The following PID1 variants were observed in gnomAD, a reference collection of about 807,000 sequenced individuals.
The protein encoded by PID1 is PTB-containing, cubilin and LRP1-interacting protein.
Under a neutral mutation model 19.1 loss-of-function variants are expected in PID1, and 10 were observed. The ratio of observed to expected loss-of-function variants is 0.52; its 90% CI spans 0.32 to 0.89. The LOEUF is 0.89. PID1 is among the 40% of genes least tolerant of loss of function. The pLI, the probability that PID1 is intolerant of heterozygous loss-of-function variation, is 0.03. For missense variants in PID1, 248 were observed against 285.3 expected (o/e 0.87, Z 0.94); for synonymous variants, 130 against 116.0 (o/e 1.12, Z -0.78).
At chr2:229,255,935 C>G (rs1277129091) in intron 1 of PID1, among the ~76,000 whole-genome samples, 2 of 152,204 alleles carry the variant, frequency 1.3e-5, no homozygotes, top group Non-Finnish European at 2.9e-5. Context: ...CATGCACCTG[C>G]AGGTGGGCTG....
At chr2:229,221,164 T>G (rs913919301) in intron 1 of PID1, among the ~76,000 whole-genome samples, 6 of 152,184 alleles carry the variant, frequency 3.9e-5, no homozygotes, top group Admixed American at 2.0e-4. Flanking sequence ...TGTCTTGGTA[T>G]GCCCAAGACT....
chr2:229,118,159 T>G (rs1300405331), intron 2 of PID1, among the ~76,000 whole-genome samples: 1 of 152,126 alleles, frequency 6.6e-6, no homozygotes, highest in African/African-American at 2.4e-5. Context: ...AGAAAGTGAT[T>G]TGTTCATTAT....
At chr2:229,082,063 T>C (rs1428456263) in intron 2 of PID1, among the ~76,000 whole-genome samples, 1 of 152,160 alleles carries the variant, frequency 6.6e-6, no homozygotes, top group Non-Finnish European at 1.5e-5. Context: ...CTTTAATATG[T>C]CTCAAAATTG....
At chr2:229,270,993 C>G (rs775621762) in intron 1 of PID1, 21 bp downstream of exon 1, 21 of 1,329,414 alleles carry the variant, frequency 1.6e-5, no homozygotes, top group East Asian at 6.0e-5. Context: ...GGCTGGCCCC[C>G]GGCTCCCGGG....
chr2:229,033,990 A>C (rs1693609241), intron 2 of PID1, among the ~76,000 whole-genome samples: 1 of 152,198 alleles, frequency 6.6e-6, no homozygotes, highest in Non-Finnish European at 1.5e-5. Flanking sequence ...CTGGCCACAG[A>C]GGCACAGAAT....
At chr2:229,095,731 A>G (rs1694960203) in intron 2 of PID1, among the ~76,000 whole-genome samples, 1 of 152,182 alleles carries the variant, frequency 6.6e-6, no homozygotes, top group South Asian at 2.1e-4. Flanking sequence ...CCAATTTCAA[A>G]TTAGACCGAT....
At chr2:229,193,748 A>T (rs1691313528) in intron 1 of PID1, among the ~76,000 whole-genome samples, 1 of 151,782 alleles carries the variant, frequency 6.6e-6, no homozygotes, top group African/African-American at 2.4e-5. Flanking sequence ...ACTTAATAGT[A>T]TGTACTTAAT....
intron 2 of PID1, among the ~76,000 whole-genome samples, chr2:229,029,678 A>G (rs1693504494): frequency 6.6e-6 from 1 of 151,994 alleles, no homozygotes; most frequent in Non-Finnish European, 1.5e-5. Context: ...CGTCTCTACT[A>G]AAAATACAGA....
rs532029833 is a variant in PID1 at position 229,115,166 on chromosome 2, G to T, written c.177+40652C>A. ...ACTGAGGGTCAGGGTTAGGGTTAAGGTTAGGTACACTCCTCATTGAGGTGT... is the reference window on the plus strand; with the variant it reads ...ACTGAGGGTCAGGGTTAGGGTTAAGTTTAGGTACACTCCTCATTGAGGTGT... On this transcript the variant is annotated intron_variant, in intron 2 of 2. Transcript: ENST00000392055. 2.6e-5 allele frequency among the ~76,000 whole-genome samples: 4 copies of T among 152,212 alleles called. No homozygotes were observed. The South Asian group carries it at 8.3e-4, about 32-fold the overall frequency.
intron 2 of PID1, among the ~76,000 whole-genome samples, chr2:229,072,365 G>T (rs1234653483): frequency 6.6e-6 from 1 of 152,138 alleles, no homozygotes; most frequent in African/African-American, 2.4e-5. Flanking sequence ...GAGACAGGTG[G>T]ATCAGGAGGT....
At chr2:229,072,399 C>T (rs1264235534) in intron 2 of PID1, among the ~76,000 whole-genome samples, 1 of 151,978 alleles carries the variant, frequency 6.6e-6, no homozygotes, top group East Asian at 1.9e-4. Flanking sequence ...CCAGCCTGTC[C>T]AACACGGCAA....
chr2:229,248,055 G>A (rs757535406), intron 1 of PID1, among the ~76,000 whole-genome samples: 9 of 151,714 alleles, frequency 5.9e-5, no homozygotes, highest in African/African-American at 2.2e-4. Flanking sequence ...AGATACAGAC[G>A]CTATTTCCCC....
intron 2 of PID1, among the ~76,000 whole-genome samples, chr2:229,075,375 C>T (rs138394486): frequency 5.5e-4 from 84 of 152,268 alleles, no homozygotes; most frequent in African/African-American, 2.0e-3. Flanking sequence ...TACTGGTATA[C>T]ATAATTTGCA....
At chr2:229,231,038 CA>C (rs989256732) in intron 1 of PID1, among the ~76,000 whole-genome samples, 1 of 152,064 alleles carries the variant, frequency 6.6e-6, no homozygotes, top group African/African-American at 2.4e-5. Context: ...AGCCATGAAG[CA>C]ACCACAGCCA....
intron 2 of PID1, among the ~76,000 whole-genome samples, chr2:229,102,804 G>T (rs1017985374): frequency 2.0e-5 from 3 of 152,176 alleles, no homozygotes; most frequent in South Asian, 4.1e-4. Flanking sequence ...TGCCCTGGAA[G>T]GATCCAAGCC....
chr2:229,217,570 G>A lies in PID1; in HGVS notation c.30+53444C>T, dbSNP rs181674178. On this transcript the variant is annotated intron_variant, in intron 1 of 2. Coordinates refer to ENST00000392055, the MANE Select transcript of PID1 (RefSeq NM_001100818.2). ...AGAAAACATGAGACCCAGCTCAAAC[G>A]CAGGGCTGGTTGGAGAAGGTCAGTG... 2.8e-4 allele frequency among the ~76,000 whole-genome samples: 43 copies of A among 152,278 alleles called. No individual in the cohort carries two copies. The East Asian group carries it at 4.1e-3, about 14-fold the overall frequency.
At chr2:229,066,841 C>T (rs953995600) in intron 2 of PID1, among the ~76,000 whole-genome samples, 7 of 151,940 alleles carry the variant, frequency 4.6e-5, no homozygotes, top group African/African-American at 7.3e-5. Flanking sequence ...GTGATTTGGC[C>T]GATCCACTCA....
At chr2:229,232,803 A>G (rs1456816108) in intron 1 of PID1, among the ~76,000 whole-genome samples, 1 of 140,708 alleles carries the variant, frequency 7.1e-6, no homozygotes, top group Non-Finnish European at 1.6e-5. Context: ...ATATATATAT[A>G]TATATATATA....
At chr2:229,076,413 C>T (rs909824225) in intron 2 of PID1, among the ~76,000 whole-genome samples, 4 of 151,812 alleles carry the variant, frequency 2.6e-5, no homozygotes, top group South Asian at 2.1e-4. Context: ...TATGATTATA[C>T]TTTAAGTTCT....
Sources: allele counts gnomAD v4.1 joint callset (sites outside exome capture counted in the v4.1 genomes callset), GRCh38; gene constraint gnomAD v4.1.1; transcripts MANE v1.5; gene names NCBI Gene and HGNC (gene_info 2026-07-23, HGNC 2026-07-21).